Variants in CACNA1F observed in about 807,000 individuals in gnomAD.
CACNA1F encodes the protein voltage-dependent L-type calcium channel subunit alpha-1F.
Under a neutral mutation model 143.8 loss-of-function variants are expected in CACNA1F, and 59 were observed. The observed-to-expected ratio is 0.41, with a 90% CI of 0.33 to 0.51. The LOEUF is 0.51. Among genes scored for constraint, CACNA1F ranks in the 20% least tolerant of loss-of-function variants. The pLI is 0.22. For missense variants in CACNA1F, 1,411 were observed against 1,647.5 expected, an observed-to-expected ratio of 0.86 and a Z score of 2.48; for synonymous variants, 643 against 649.1, an observed-to-expected ratio of 0.99 and a Z score of 0.14.
At chrX:49,216,910 T>C (rs782386598) in intron 26 of CACNA1F, among the ~76,000 whole-genome samples, 2 of 111,900 alleles carry the variant, frequency 1.8e-5, no homozygotes, top group South Asian at 7.6e-4. Flanking sequence ...GCAGTAACTA[T>C]ATGCCAGGCA....
chrX:49,210,272 A>G lies in CACNA1F; in HGVS notation c.4588+29T>C, dbSNP rs782595299. 46 of 1,058,694 alleles carry G rather than the reference A, an allele frequency of 4.3e-5. No homozygotes were observed. The Admixed American group carries it at 1.0e-3, about 23-fold the overall frequency. 87.2% of individuals were successfully genotyped at this position (1,058,694 alleles called of 1,213,427 possible). A position where few individuals can be genotyped will look rare whatever the true frequency, so the allele number is the denominator to read the frequency against. ...TTTGCTCCTTGCACCCTCCCCAGGA[A>G]CGATCCCACTCCTGCCCCTCCCCTA... On this transcript the variant is annotated intron_variant, in intron 39 of 47. Transcript: ENST00000323022.
In CACNA1F at chrX:49,228,455, A is replaced by G; in HGVS notation, c.818-8T>C. ...CCTCCTCCGCTTCCATGTCTGCAGG[A>G]AGACTGGAGCTTGGGGCTTCGAAGC... On this transcript the variant is annotated splice_polypyrimidine_tract_variant and splice_region_variant and intron_variant, in intron 6 of 47. Coordinates refer to ENST00000323022, the MANE Select transcript of CACNA1F (RefSeq NM_001256789.3). 1.7e-6 allele frequency: 2 copies of G among 1,190,575 alleles called. No individual in the cohort carries two copies. The highest frequency in any genetic ancestry group is 3.7e-5 in the South Asian group (2 of 54,676).
At chrX:49,210,807 G>A (rs1400898202) in intron 37 of CACNA1F, 121 bp from the exon 38 acceptor site, 3 of 848,547 alleles carry the variant, frequency 3.5e-6, no homozygotes, top group Admixed American at 5.3e-5. Context: ...GGGAAGAACT[G>A]GAGGGCAGTC....
intron 40 of CACNA1F, 83 bp downstream of exon 40, chrX:49,209,858 C>G: frequency 8.7e-7 from 1 of 1,148,995 alleles, no homozygotes; most frequent in Admixed American, 2.2e-5. Flanking sequence ...CCCTCGCCCT[C>G]TGCCCAGCGC....
intron 1 of CACNA1F, among the ~76,000 whole-genome samples, chrX:49,232,810 CTTTT>C (rs1282621082): frequency 2.7e-5 from 3 of 109,819 alleles, no homozygotes; most frequent in African/African-American, 6.6e-5. Context: ...CTCTTTCTCT[CTTTT>C]GTTTTTGTTT....
chrX:49,208,634 C>T lies in CACNA1F; in HGVS notation c.5004G>A (p.Val1668=), dbSNP rs2065623652. The T allele has an allele frequency of 2.5e-6, 3 of 1,208,980 alleles. No homozygotes were observed. The highest frequency in any genetic ancestry group is 4.4e-5 in the Admixed American group (2 of 45,655). The part of the protein sequence containing the change: ...PSARRGSGIS[V]SLPVGDRLPD... ...GAAGTCTGTCCCCGACAGGCAGAGACACAGAAATCCCGGAGCCCCGGCGAG... is the reference window on the plus strand; with the variant it reads ...GAAGTCTGTCCCCGACAGGCAGAGATACAGAAATCCCGGAGCCCCGGCGAG... The change falls in exon 43 of 48, where the codon GTG becomes GTA. Residue 1668 remains valine, a synonymous_variant. Transcript: ENST00000323022.
Position 49,212,328 on chromosome X carries a change from G to T in CACNA1F, c.3943-20C>A. 1.7e-6 allele frequency: 2 copies of T among 1,147,887 alleles called. No homozygotes were observed. Among genetic ancestry groups the T allele is most frequent in the Non-Finnish European group, 2.4e-6 (2 of 837,884 alleles). The allele number at this position is 1,147,887 out of a possible 1,213,427, so 94.6% of individuals were successfully genotyped here. A position where few individuals can be genotyped will look rare whatever the true frequency, so the allele number is the denominator to read the frequency against. On this transcript the variant is annotated intron_variant, in intron 33 of 47. Transcript: ENST00000323022. The stretch of plus-strand genomic sequence containing the variant: ...CAAGGCCTATAGGGATGGGGGAGGG[G>T]GGCAGAGAATAGATGCACAGGCTCA...
chrX:49,219,449 G>A lies in CACNA1F; in HGVS notation c.2545C>T (p.Leu849=), dbSNP rs1557108310. The change falls in exon 21 of 48, where the codon CTG becomes TTG. Residue 849 remains leucine (L), a splice_region_variant and synonymous_variant. Transcript: ENST00000323022. The part of the protein sequence containing the change: ...AFFCLSQTNP[L]RKGCHTLIHH... ...ATGAGGGTGTGGCAGCCCTTCCTCA[G>A]CCTGTGGAGAGGGAGTGGGCCATGG... 8.3e-7 allele frequency: 1 copy of A among 1,207,792 alleles called. No individual in the cohort carries two copies. The highest frequency in any genetic ancestry group is 1.1e-6 in the Non-Finnish European group (1 of 893,492).
At position 49,219,343 on chromosome X, in the gene CACNA1F, C is replaced by T. The variant is rs782157619; in HGVS notation, c.2651G>A (p.Arg884Gln). The change falls in exon 21 of 48, where the codon CGA becomes CAA. Residue 884 changes from arginine (R) to glutamine (Q), a missense_variant. Arg to Gln is a conservative substitution (Grantham distance 43, BLOSUM62 1). Coordinates refer to ENST00000323022, the MANE Select transcript of CACNA1F (RefSeq NM_001256789.3). ...SVSLAAEDPI[R>Q]AHSFRNHILG... ...CACATGGTTGCGGAAGGAGTGGGCT[C>T]GGATGGGGTCCTCAGCGGCCAGGGA... 4.3e-5 allele frequency: 52 copies of T among 1,206,507 alleles called. No homozygotes were observed. The highest frequency in any genetic ancestry group is 2.5e-4 in the Middle Eastern group (1 of 4,046).
intron 6 of CACNA1F, among the ~76,000 whole-genome samples, chrX:49,229,678 G>A (rs2065858016): frequency 9.1e-6 from 1 of 110,128 alleles, no homozygotes; most frequent in Admixed American, 9.5e-5. Context: ...GGAGTGCAGT[G>A]GCGCATCTCG....
chrX:49,232,340 C>T (rs2065886459), intron 1 of CACNA1F, among the ~76,000 whole-genome samples: 2 of 110,938 alleles, frequency 1.8e-5, no homozygotes, highest in African/African-American at 6.6e-5. Context: ...AGGTTAGGGT[C>T]GAAGTTGAGT....
intron 3 of CACNA1F, 87 bp downstream of exon 3, chrX:49,231,115 A>G: frequency 1.3e-6 from 1 of 799,400 alleles, no homozygotes; most frequent in Non-Finnish European, 1.9e-6. Flanking sequence ...CATCCGGGTC[A>G]GAGAGGGGGC....
rs1198849511 is a variant in CACNA1F, at chrX:49,206,998, A to G, written c.5231+7T>C. On this transcript the variant is annotated splice_region_variant and intron_variant, in intron 44 of 47. Coordinates refer to ENST00000323022, the MANE Select transcript of CACNA1F (RefSeq NM_001256789.3). ...TGGGTTCATCCCATGTGGCATGGCCAGTGTACCGATCAGGGACTTCCTCAT... is the reference window on the plus strand; with the variant it reads ...TGGGTTCATCCCATGTGGCATGGCCGGTGTACCGATCAGGGACTTCCTCAT... 2.7e-5 allele frequency: 30 copies of G among 1,116,925 alleles called. No homozygotes were observed. Among genetic ancestry groups the G allele is most frequent in the Non-Finnish European group, 3.6e-5 (30 of 824,128 alleles). 92.0% of individuals were successfully genotyped at this position (1,116,925 alleles called of 1,213,427 possible).
Position 49,231,734 on chromosome X carries a change from G to A in CACNA1F, c.219C>T (p.Phe73=), listed in dbSNP as rs1037980933. 20 of 1,211,979 alleles carry A rather than the reference G, an allele frequency of 1.7e-5. No individual in the cohort carries two copies. Among genetic ancestry groups the A allele is most frequent in the Non-Finnish European group, 2.2e-5 (20 of 895,412 alleles). ...ASAQRSPRAL[F]CLTLANPLRR... ...GCAGAGGATTGGCCAGGGTGAGGCA[G>A]AAGAGTGCCCGAGGTGACCGCTGGG... Residue 73 remains phenylalanine (F), a synonymous_variant, in exon 2 of 48, where the codon TTC becomes TTT. Coordinates refer to ENST00000323022, the MANE Select transcript of CACNA1F (RefSeq NM_001256789.3).
At position 49,210,995 on chromosome X, in the gene CACNA1F, C is replaced by T; in HGVS notation, c.4358G>A (p.Arg1453Lys). ...LGPHHLDEFK[R>K]IWSEYDPGAK... ...CCCAGGGTCATATTCAGACCAGATC[C>T]TCTTGAATTCATCAAGGTGATGGGG... is the stretch of plus-strand genomic sequence containing the variant. The change falls in exon 37 of 48, where the codon AGG becomes AAG. Residue 1453 changes from arginine to lysine, a missense_variant. This residue lies in a region of CACNA1F where 112 missense variants were observed against 169.2 expected (regional missense o/e 0.66). Coordinates refer to ENST00000323022, the MANE Select transcript of CACNA1F (RefSeq NM_001256789.3). 8.3e-7 allele frequency: 1 copy of T among 1,207,386 alleles called. No homozygotes were observed. The highest frequency in any genetic ancestry group is 1.1e-6 in the Non-Finnish European group (1 of 892,889).
chrX:49,214,300 C>A, intron 29 of CACNA1F, 31 bp from the exon 30 acceptor site: 1 of 920,950 alleles, frequency 1.1e-6, no homozygotes, highest in Non-Finnish European at 1.6e-6. Context: ...GAGATGGAGC[C>A]TGAGGCAGAG....
intron 18 of CACNA1F, among the ~76,000 whole-genome samples, chrX:49,220,763 C>A (rs1326202404): frequency 3.6e-5 from 4 of 111,751 alleles, no homozygotes; most frequent in Non-Finnish European, 7.5e-5. Context: ...ATGGTGAAAC[C>A]CTGTCTCTTT....
chrX:49,216,459 G>T lies in CACNA1F; in HGVS notation c.3159C>A (p.Asn1053Lys), dbSNP rs369354206. 55 of 1,205,441 alleles carry T rather than the reference G, an allele frequency of 4.6e-5. No homozygotes were observed. The highest frequency in any genetic ancestry group is 5.7e-5 in the Non-Finnish European group (51 of 891,823). The change falls in exon 27 of 48, where the codon AAC becomes AAA. Residue 1053 changes from asparagine to lysine, a missense_variant. Transcript: ENST00000323022. ...RPLVRERLWVNSDFNFDNVLS... is the reference protein window; with the variant it reads ...RPLVRERLWVKSDFNFDNVLS... ...GGACATTGTCAAAGTTGAAATCACT[G>T]TTGACCCAGAGCCGCTCCCGGACCA... is the stretch of plus-strand genomic sequence containing the variant.
At position 49,211,589 on chromosome X, in the gene CACNA1F, G is replaced by T. The variant is rs781912092; in HGVS notation, c.4101-108C>A. On this transcript the variant is annotated intron_variant, in intron 35 of 47. Transcript: ENST00000323022. ...TGAGGAGATGACCTACTTCTCACCA[G>T]GGGCTACATCTGGCACAGATAACAT... 13 of 658,418 alleles carry T rather than the reference G, an allele frequency of 2.0e-5. No homozygotes were observed. The South Asian group carries it at 3.0e-4, about 15-fold the overall frequency. The allele number at this position is 658,418 out of a possible 1,213,427, so 54.3% of individuals were successfully genotyped here.
Sources: gnomAD v4.1 joint callset for allele counts (sites outside exome capture counted in the v4.1 genomes callset) on GRCh38, gnomAD v4.1.1 for gene constraint, gnomAD v4.1.1 regional missense constraint, MANE v1.5 for transcripts, NCBI Gene and HGNC (gene_info 2026-07-23, HGNC 2026-07-21) for gene names.